The following PTPRT variants were observed in gnomAD, a reference collection of about 807,000 sequenced individuals.
PTPRT encodes protein tyrosine phosphatase receptor type T.
A neutral mutation model predicts 176.8 loss-of-function variants in PTPRT; 56 were observed. The observed-to-expected ratio is 0.32, with a 90% CI of 0.26 to 0.40. PTPRT has a LOEUF of 0.40. PTPRT is among the 10% of genes least tolerant of loss of function. The pLI is 1.00. For missense variants in PTPRT, 1,540 were observed against 1,908.2 expected, an observed-to-expected ratio of 0.81 and a Z score of 3.60; for synonymous variants, 783 against 739.0, an observed-to-expected ratio of 1.06 and a Z score of -0.96.
intron 7 of PTPRT, among the ~76,000 whole-genome samples, chr20:42,587,760 T>C (rs572831955): frequency 9.9e-5 from 15 of 152,078 alleles, no homozygotes; most frequent in African/African-American, 3.4e-4. Flanking sequence ...GAGCCCTGCC[T>C]CGGCTCTGGA....
At chr20:43,156,765 T>C (rs941138525) in intron 1 of PTPRT, among the ~76,000 whole-genome samples, 1 of 152,206 alleles carries the variant, frequency 6.6e-6, no homozygotes, top group South Asian at 2.1e-4. Flanking sequence ...GATCATCCAA[T>C]GGAAAAATTT....
At chr20:42,915,563 G>A (rs1381755573) in intron 1 of PTPRT, among the ~76,000 whole-genome samples, 1 of 152,178 alleles carries the variant, frequency 6.6e-6, no homozygotes, top group Non-Finnish European at 1.5e-5. Flanking sequence ...CCTCACAGCT[G>A]GGGACAGGTG....
chr20:42,900,801 AGCTCTGT>A (rs1187606014), intron 1 of PTPRT, among the ~76,000 whole-genome samples: 4 of 151,970 alleles, frequency 2.6e-5, no homozygotes, highest in African/African-American at 9.7e-5. Flanking sequence ...TGGAACACCA[AGCTCTGT>A]GCTAAAGGGT....
intron 12 of PTPRT, among the ~76,000 whole-genome samples, chr20:42,287,759 A>G (rs11905918): frequency 0.034 from 5,115 of 152,018 alleles, 105 homozygotes; most frequent in Middle Eastern, 0.12. Context: ...AATATTCAAA[A>G]TGATGAATAT....
At chr20:42,995,999 ATT>A (rs200600735) in intron 1 of PTPRT, among the ~76,000 whole-genome samples, 1 of 151,498 alleles carries the variant, frequency 6.6e-6, no homozygotes, top group South Asian at 2.1e-4. Flanking sequence ...AATTTTTATT[ATT>A]TTTTTTGTTT....
chr20:42,196,907 C>T (rs903232803), intron 16 of PTPRT, among the ~76,000 whole-genome samples: 19 of 152,248 alleles, frequency 1.2e-4, no homozygotes, highest in African/African-American at 4.6e-4. Context: ...TCAAACTTAC[C>T]ATCACTGGTA....
At chr20:42,268,666 T>C (rs1199710678) in intron 13 of PTPRT, among the ~76,000 whole-genome samples, 3 of 152,214 alleles carry the variant, frequency 2.0e-5, no homozygotes, top group Non-Finnish European at 4.4e-5. Flanking sequence ...GAAGCACATA[T>C]GATAATTAGT....
rs1371794577 is a variant in PTPRT at position 42,757,010 on chromosome 20, A to T, written c.685-374T>A. Among the ~76,000 whole-genome samples, 3 of 148,470 alleles carry T rather than the reference A, an allele frequency of 2.0e-5. No homozygotes were observed. In the East Asian group the frequency reaches 6.1e-4, roughly 30 times the overall value. On this transcript the variant is annotated intron_variant, in intron 5 of 30. Transcript: ENST00000373187. ...GGTTGCAGTGAGCCATGATCAAGCCACTGCACTCTACCCTGGGTGACAGAG... is the reference window on the plus strand; with the variant it reads ...GGTTGCAGTGAGCCATGATCAAGCCTCTGCACTCTACCCTGGGTGACAGAG...
intron 9 of PTPRT, among the ~76,000 whole-genome samples, chr20:42,401,508 A>G (rs1252321215): frequency 6.6e-6 from 1 of 152,120 alleles, no homozygotes; most frequent in African/African-American, 2.4e-5. Flanking sequence ...TTTAATCAGC[A>G]CTTTGCAGAA....
At chr20:42,150,776 C>A (rs990416972) in intron 17 of PTPRT, among the ~76,000 whole-genome samples, 9 of 152,120 alleles carry the variant, frequency 5.9e-5, no homozygotes, top group African/African-American at 2.2e-4. Context: ...TTTAACTATA[C>A]AGAAGTAACG....
At chr20:42,758,157 T>C (rs773470295) in intron 5 of PTPRT, among the ~76,000 whole-genome samples, 1 of 152,192 alleles carries the variant, frequency 6.6e-6, no homozygotes, top group Non-Finnish European at 1.5e-5. Context: ...AAAAGTGAAA[T>C]TGACTCCTTT....
chr20:43,118,770 G>A (rs2013150148), intron 1 of PTPRT, among the ~76,000 whole-genome samples: 1 of 152,128 alleles, frequency 6.6e-6, no homozygotes, highest in Non-Finnish European at 1.5e-5. Context: ...AAGATACTAA[G>A]GTTTCTGAAC....
At chr20:42,138,537 T>G (rs1013659025) in intron 18 of PTPRT, among the ~76,000 whole-genome samples, 3 of 152,230 alleles carry the variant, frequency 2.0e-5, no homozygotes, top group Admixed American at 6.5e-5. Context: ...GGCCTCATTT[T>G]GTAACATTTG....
intron 6 of PTPRT, among the ~76,000 whole-genome samples, chr20:42,747,804 G>T (rs1569131054): frequency 6.6e-6 from 1 of 152,168 alleles, no homozygotes; most frequent in Non-Finnish European, 1.5e-5. Context: ...TAGATATGGA[G>T]ACCATGTTAA....
chr20:42,350,723 G>T lies in PTPRT; in HGVS notation c.1770C>A (p.Ser590=). 6.2e-7 allele frequency: 1 copy of T among 1,609,224 alleles called. No individual in the cohort carries two copies. Among genetic ancestry groups the T allele is most frequent in the Non-Finnish European group, 8.5e-7 (1 of 1,175,620 alleles). ...GGGTGTCTGTGTCGTACTCAGGCATGGATGGAGCTGGACAGGAAACAGAGA... is the reference window on the plus strand; with the variant it reads ...GGGTGTCTGTGTCGTACTCAGGCATTGATGGAGCTGGACAGGAAACAGAGA... ...TRIATKISAP[S]MPEYDTDTPL... Residue 590 remains serine (S), a synonymous_variant, in exon 11 of 31, where the codon TCC becomes TCA. Coordinates refer to ENST00000373187, the MANE Select transcript of PTPRT (RefSeq NM_007050.6).
At chr20:42,157,634 A>G (rs890058462) in intron 17 of PTPRT, among the ~76,000 whole-genome samples, 1 of 151,560 alleles carries the variant, frequency 6.6e-6, no homozygotes, top group Admixed American at 6.6e-5. Context: ...TCCCCCCCCA[A>G]TATTTCTTGC....
chr20:43,097,372 C>T (rs764930295), intron 1 of PTPRT, among the ~76,000 whole-genome samples: 8 of 152,184 alleles, frequency 5.3e-5, no homozygotes, highest in Admixed American at 1.3e-4. Flanking sequence ...ACCTGCCCCA[C>T]AAGCCCCAAC....
chr20:42,212,371 T>C (rs1211536952), intron 15 of PTPRT, among the ~76,000 whole-genome samples: 2 of 131,634 alleles, frequency 1.5e-5, no homozygotes, highest in Non-Finnish European at 3.2e-5. Context: ...ATAAGTACCA[T>C]GCTAGTGCTA....
At chr20:42,171,445 G>A (rs1344458320) in intron 16 of PTPRT, among the ~76,000 whole-genome samples, 1 of 152,134 alleles carries the variant, frequency 6.6e-6, no homozygotes, top group Admixed American at 6.5e-5. Flanking sequence ...CAGGAAGTGG[G>A]TGACTGATAC....
Sources: allele counts gnomAD v4.1 joint callset (sites outside exome capture counted in the v4.1 genomes callset), GRCh38; gene constraint gnomAD v4.1.1; transcripts MANE v1.5; gene names NCBI Gene and HGNC (gene_info 2026-07-23, HGNC 2026-07-21).